Variants in FRMD6 observed in about 807,000 individuals in gnomAD.
FRMD6 encodes the protein FERM domain-containing protein 6.
Under a neutral mutation model 73.2 loss-of-function variants are expected in FRMD6, and 37 were observed. That is an observed-to-expected ratio of 0.51 (90% CI 0.39 to 0.66). The LOEUF (loss-of-function observed/expected upper bound fraction) is 0.66, where lower values mean the gene tolerates loss of function less well. Among genes scored for constraint, FRMD6 ranks in the 30% least tolerant of loss-of-function variants. The probability of loss-of-function intolerance (pLI) is 0.00; values close to 1 mark genes in which losing one functional copy is unlikely to be tolerated. For synonymous variants in FRMD6, 273 were observed against 282.2 expected, an observed-to-expected ratio of 0.97 and a Z score of 0.33; for missense variants, 714 against 780.5, an observed-to-expected ratio of 0.91 and a Z score of 1.02.
chr14:51,406,253 G>A, the FRMD6 span, among the ~76,000 whole-genome samples: 2 of 151,980 alleles, frequency 1.3e-5, no homozygotes, highest in Admixed American at 1.3e-4. Flanking sequence ...TTTGATGTTG[G>A]GTAATATGAT....
At chr14:51,545,954 G>A (rs1886443669) in intron 1 of FRMD6, among the ~76,000 whole-genome samples, 1 of 149,162 alleles carries the variant, frequency 6.7e-6, no homozygotes, top group Non-Finnish European at 1.5e-5. Flanking sequence ...TTTGCTGAGA[G>A]AGAAAGAATT....
chr14:51,538,438 T>G (rs1184895299), intron 1 of FRMD6, among the ~76,000 whole-genome samples: 1 of 152,134 alleles, frequency 6.6e-6, no homozygotes, highest in African/African-American at 2.4e-5. Context: ...CTTTGTCACA[T>G]GTGAATTTGG....
the FRMD6 span, among the ~76,000 whole-genome samples, chr14:51,414,947 C>G: frequency 2.0e-5 from 3 of 152,220 alleles, no homozygotes; most frequent in African/African-American, 7.2e-5. Context: ...ATTTGGCTCT[C>G]TGTTTGTCTG....
rs370963089 is a variant in FRMD6 at position 51,711,241 on chromosome 14, T to TA, written c.715-289dup. On this transcript the variant is annotated intron_variant, in intron 7 of 13. Transcript: ENST00000344768. The stretch of plus-strand genomic sequence containing the variant: ...ACTGGAGTTGTCAATAACAAGTATT[T>TA]AGAATATTGTCAGATACAAAAGTGT... Among the ~76,000 whole-genome samples, 380 of 152,326 alleles carry TA rather than the reference T, an allele frequency of 2.5e-3. 1 individual carries two copies. The highest frequency in any genetic ancestry group is 8.8e-3 in the African/African-American group (367 of 41,582).
At chr14:51,544,332 A>G (rs1886350702) in intron 1 of FRMD6, among the ~76,000 whole-genome samples, 1 of 152,042 alleles carries the variant, frequency 6.6e-6, no homozygotes, top group Non-Finnish European at 1.5e-5. Context: ...TTTTTTCCTT[A>G]ATACCTTTGG....
intron 1 of FRMD6, among the ~76,000 whole-genome samples, chr14:51,520,072 T>C (rs1036275879): frequency 2.0e-5 from 3 of 152,142 alleles, no homozygotes; most frequent in African/African-American, 7.2e-5. Flanking sequence ...ACAATACATA[T>C]ATATGTCAAA....
chr14:51,402,047 T>G, the FRMD6 span, among the ~76,000 whole-genome samples: 1 of 152,160 alleles, frequency 6.6e-6, no homozygotes, highest in South Asian at 2.1e-4. Context: ...GCCAGTAATA[T>G]GAGGTCTGGG....
chr14:51,517,785 C>A (rs1013538841), intron 1 of FRMD6, among the ~76,000 whole-genome samples: 8 of 152,100 alleles, frequency 5.3e-5, no homozygotes, highest in African/African-American at 2.4e-5. Flanking sequence ...AAATTGAAGA[C>A]CACTCTCCAA....
At chr14:51,648,320 C>G (rs944720349), upstream of FRMD6, among the ~76,000 whole-genome samples, 2 of 152,052 alleles carry the variant, frequency 1.3e-5, no homozygotes, top group African/African-American at 4.8e-5. Context: ...AAGTTTACAC[C>G]TCTCAAAATA....
At chr14:51,614,581 TC>T (rs753421838) in intron 2 of FRMD6, among the ~76,000 whole-genome samples, 40 of 152,316 alleles carry the variant, frequency 2.6e-4, no homozygotes, top group Admixed American at 1.5e-3. Flanking sequence ...TGGTCTCTTT[TC>T]CCCATGTATT....
intron 1 of FRMD6, among the ~76,000 whole-genome samples, chr14:51,684,219 C>G (rs1376500908): frequency 6.6e-6 from 1 of 150,920 alleles, no homozygotes; most frequent in Non-Finnish European, 1.5e-5. Flanking sequence ...TAGTTGTTTC[C>G]AGGTCAGATT....
At chr14:51,414,482 C>G in the FRMD6 span, among the ~76,000 whole-genome samples, 7 of 152,160 alleles carry the variant, frequency 4.6e-5, no homozygotes, top group Non-Finnish European at 1.0e-4. Flanking sequence ...GGTGTTATTT[C>G]TGAGGCCTCT....
chr14:51,722,332 A>G (rs905533159), intron 12 of FRMD6, among the ~76,000 whole-genome samples: 1 of 152,220 alleles, frequency 6.6e-6, no homozygotes, highest in Non-Finnish European at 1.5e-5. Context: ...GTAGTTGAAC[A>G]GTAGGGTTCT....
In FRMD6 at chr14:51,557,102, A is replaced by G. The variant is rs555457492; in HGVS notation, c.-209-13246A>G. On this transcript the variant is annotated intron_variant, in intron 1 of 14. Coordinates refer to the FRMD6 transcript ENST00000356218. ...AGAATGTGAGTTTAGCCTGGGCAAC[A>G]TAGTGAGACCCTGTCTGAAAAGAGG... 5.1e-4 allele frequency among the ~76,000 whole-genome samples: 77 copies of G among 152,246 alleles called. 1 individual carries two copies. Among genetic ancestry groups the G allele is most frequent in the Middle Eastern group, 3.4e-3 (1 of 294 alleles).
the FRMD6 span, among the ~76,000 whole-genome samples, chr14:51,459,075 G>A: frequency 6.6e-6 from 1 of 152,242 alleles, no homozygotes; most frequent in Admixed American, 6.5e-5. Context: ...GTGCTGAACG[G>A]TGCTAGCAGC....
chr14:51,644,521 C>A (rs1434258593), intron 2 of FRMD6, among the ~76,000 whole-genome samples: 2 of 152,172 alleles, frequency 1.3e-5, no homozygotes, highest in South Asian at 2.1e-4. Flanking sequence ...GATTTTAGAT[C>A]TGTGCTCACG....
the FRMD6 span, among the ~76,000 whole-genome samples, chr14:51,419,813 T>C: frequency 1.1e-4 from 16 of 152,344 alleles, no homozygotes; most frequent in Admixed American, 3.9e-4. Context: ...GTTCCTTCTC[T>C]TGTTAGGTGT....
chr14:51,431,676 G>A, the FRMD6 span, among the ~76,000 whole-genome samples: 2 of 152,202 alleles, frequency 1.3e-5, no homozygotes, highest in African/African-American at 4.8e-5. Flanking sequence ...TTTACCTGAA[G>A]TTGGTGATAG....
Position 51,556,768 on chromosome 14 carries a change from C to T in FRMD6, c.-209-13580C>T, listed in dbSNP as rs1238918335. 3.3e-5 allele frequency among the ~76,000 whole-genome samples: 5 copies of T among 152,118 alleles called. No homozygotes were observed. In the East Asian group the frequency reaches 9.6e-4, roughly 29 times the overall value. On this transcript the variant is annotated intron_variant, in intron 1 of 14. Coordinates refer to the FRMD6 transcript ENST00000356218. ...CTTATCCATCATTGAAGAGTGAGCT[C>T]ACCACCTAGTTCTTTCCCGAGCTGC... is the stretch of plus-strand genomic sequence containing the variant.
Sources: allele counts gnomAD v4.1 joint callset (sites outside exome capture counted in the v4.1 genomes callset), GRCh38; gene constraint gnomAD v4.1.1; transcripts MANE v1.5; gene names NCBI Gene and HGNC (gene_info 2026-07-23, HGNC 2026-07-21).